Variants in GAS2 observed in about 807,000 individuals in gnomAD.
GAS2 encodes the protein growth arrest specific 2.
Under a neutral mutation model 37.5 loss-of-function variants are expected in GAS2, and 20 were observed. That is an observed-to-expected ratio of 0.53 (90% CI 0.37 to 0.77). The LOEUF (loss-of-function observed/expected upper bound fraction) is 0.77, where lower values mean the gene tolerates loss of function less well. Ranked by LOEUF, GAS2 falls within the 30% of genes least tolerant of loss-of-function variation. The pLI is 0.00. For missense variants in GAS2, 336 were observed against 373.4 expected, an observed-to-expected ratio of 0.90 and a Z score of 0.82; for synonymous variants, 144 against 132.2, an observed-to-expected ratio of 1.09 and a Z score of -0.61.
At chr11:22,630,999 T>C (rs1367637732) in intron 1 of GAS2, among the ~76,000 whole-genome samples, 1 of 152,214 alleles carries the variant, frequency 6.6e-6, no homozygotes, top group Non-Finnish European at 1.5e-5. Context: ...TCCATTTGTT[T>C]GTGTCATCTA....
At chr11:22,647,526 T>G (rs1034417767) in intron 1 of GAS2, among the ~76,000 whole-genome samples, 192 of 152,208 alleles carry the variant, frequency 1.3e-3, no homozygotes, top group Middle Eastern at 3.4e-3. Context: ...TGAACTAGTT[T>G]ACAGTCCCAC....
rs149593705 is a variant in GAS2, at chr11:22,709,947, G to A, written c.268-16345G>A. ...AAACACCGCATGTTCTCACTCACAC[G>A]TGGGAATTGAACAATGAGAACACAT... is the stretch of plus-strand genomic sequence containing the variant. On this transcript the variant is annotated intron_variant, in intron 3 of 7. Transcript: ENST00000454584. 1.2e-3 allele frequency among the ~76,000 whole-genome samples: 185 copies of A among 149,986 alleles called. 2 individuals are homozygous for A. Among genetic ancestry groups the A allele is most frequent in the African/African-American group, 3.7e-3 (149 of 40,758 alleles).
chr11:22,797,653 C>G (rs1856493462), intron 7 of GAS2, among the ~76,000 whole-genome samples: 1 of 152,066 alleles, frequency 6.6e-6, no homozygotes, highest in African/African-American at 2.4e-5. Context: ...AACATTAATA[C>G]TTGCCTACTG....
At chr11:22,805,143 C>G (rs1856826266) in intron 7 of GAS2, among the ~76,000 whole-genome samples, 1 of 151,518 alleles carries the variant, frequency 6.6e-6, no homozygotes, top group Non-Finnish European at 1.5e-5. Context: ...GAATTTTAAT[C>G]TCTATAATCA....
At chr11:22,657,402 G>C (rs1029279104) in intron 1 of GAS2, among the ~76,000 whole-genome samples, 1 of 152,134 alleles carries the variant, frequency 6.6e-6, no homozygotes, top group Admixed American at 6.5e-5. Flanking sequence ...AGAGCAGAGG[G>C]TCTCTCCCTA....
chr11:22,799,762 A>T (rs1297979502), intron 7 of GAS2, among the ~76,000 whole-genome samples: 1 of 152,084 alleles, frequency 6.6e-6, no homozygotes, highest in African/African-American at 2.4e-5. Context: ...GGAATGGGGC[A>T]TTAGTAAGTA....
At chr11:22,648,472 T>C (rs958464617) in intron 1 of GAS2, among the ~76,000 whole-genome samples, 1 of 152,224 alleles carries the variant, frequency 6.6e-6, no homozygotes, top group African/African-American at 2.4e-5. Flanking sequence ...AAGTCATTGG[T>C]AGCTTGATGG....
chr11:22,679,979 G>T (rs1156438596), intron 2 of GAS2, among the ~76,000 whole-genome samples: 1 of 152,026 alleles, frequency 6.6e-6, no homozygotes, highest in Non-Finnish European at 1.5e-5. Flanking sequence ...CTTAATATGA[G>T]CAATATGTAA....
intron 3 of GAS2, among the ~76,000 whole-genome samples, chr11:22,708,024 A>G (rs1851208269): frequency 6.6e-6 from 1 of 152,134 alleles, no homozygotes; most frequent in Non-Finnish European, 1.5e-5. Flanking sequence ...TCAATATTTT[A>G]TTAAAAGGTT....
At chr11:22,719,512 G>A (rs1389428050) in intron 3 of GAS2, among the ~76,000 whole-genome samples, 1 of 151,724 alleles carries the variant, frequency 6.6e-6, no homozygotes, top group African/African-American at 2.4e-5. Flanking sequence ...ATAGTTTTTA[G>A]GGTTCACTCT....
intron 1 of GAS2, among the ~76,000 whole-genome samples, chr11:22,660,539 A>G (rs949976570): frequency 6.6e-6 from 1 of 152,218 alleles, no homozygotes; most frequent in African/African-American, 2.4e-5. Flanking sequence ...GTGAAAACTG[A>G]TAGTTGAAAG....
chr11:22,715,460 CAAAAAAAAAAAA>C lies in GAS2; in HGVS notation c.268-10820_268-10809del, dbSNP rs1192862614. ...TGGGTGACAGAGCAAGACTCTGTCT[CAAAAAAAAAAAA>C]AAAAAAAAAAAGAAAAGAAAAGAAA... On this transcript the variant is annotated intron_variant, in intron 3 of 7. Transcript: ENST00000454584. Among the ~76,000 whole-genome samples the C allele has an allele frequency of 2.6e-4, 11 of 41,754 alleles. No individual in the cohort carries two copies. In the South Asian group the frequency reaches 6.9e-3, roughly 26 times the overall value. 27.4% of individuals were successfully genotyped at this position (41,754 alleles called of 152,430 possible). A position where few individuals can be genotyped will look rare whatever the true frequency, so the allele number is the denominator to read the frequency against.
chr11:22,668,404 GC>G (rs1400485232), intron 1 of GAS2: 1 of 152,196 alleles, frequency 6.6e-6, no homozygotes, highest in Non-Finnish European at 1.5e-5. Context: ...TTTGCACAGG[GC>G]TGCCTGAATG....
chr11:22,686,768 A>G lies in GAS2; in HGVS notation c.267+979A>G, dbSNP rs1849980092. Among the ~76,000 whole-genome samples, 3 of 151,850 alleles carry G rather than the reference A, an allele frequency of 2.0e-5. No individual in the cohort carries two copies. The South Asian group carries it at 6.2e-4, about 31-fold the overall frequency. ...CTATCTAAAAAAATAATAAAATAAA[A>G]ATGTTGAAGACAATTTAAGACAAAA... is the stretch of plus-strand genomic sequence containing the variant. On this transcript the variant is annotated intron_variant, in intron 3 of 7. Transcript: ENST00000454584.
intron 7 of GAS2, among the ~76,000 whole-genome samples, chr11:22,779,533 A>C (rs1269728805): frequency 2.6e-5 from 4 of 152,126 alleles, no homozygotes; most frequent in Non-Finnish European, 4.4e-5. Flanking sequence ...CCCCATCTCT[A>C]CTAAAAATAT....
intron 6 of GAS2, among the ~76,000 whole-genome samples, chr11:22,749,676 T>C (rs538343375): frequency 3.3e-5 from 5 of 152,140 alleles, no homozygotes; most frequent in Admixed American, 3.3e-4. Flanking sequence ...CCATTGTTTT[T>C]CAAGTGCTCT....
At chr11:22,784,652 A>G (rs773363800) in intron 7 of GAS2, among the ~76,000 whole-genome samples, 1 of 152,138 alleles carries the variant, frequency 6.6e-6, no homozygotes, top group Admixed American at 6.6e-5. Flanking sequence ...TTACCATCCT[A>G]TGCACATTTA....
intron 2 of GAS2, among the ~76,000 whole-genome samples, chr11:22,678,714 T>G (rs1021306273): frequency 1.3e-5 from 2 of 152,032 alleles, no homozygotes; most frequent in Non-Finnish European, 2.9e-5. Flanking sequence ...ACATATAAAC[T>G]GTCTATTAAA....
intron 4 of GAS2, among the ~76,000 whole-genome samples, chr11:22,735,228 T>TTA (rs1218841077): frequency 4.1e-4 from 61 of 149,006 alleles, no homozygotes; most frequent in Non-Finnish European, 9.0e-4. Context: ...ATCATTCTTT[T>TTA]TTTTTTTTTT....
Sources: allele counts gnomAD v4.1 joint callset (sites outside exome capture counted in the v4.1 genomes callset), GRCh38; gene constraint gnomAD v4.1.1; transcripts MANE v1.5; gene names NCBI Gene and HGNC (gene_info 2026-07-23, HGNC 2026-07-21).